The following RFX3 variants were observed in gnomAD, a reference collection of about 807,000 sequenced individuals.
The protein encoded by RFX3 is transcription factor RFX3.
RFX3 carries 14 observed loss-of-function variants against 98.6 expected under a neutral mutation model. The observed-to-expected ratio is 0.14, with a 90% confidence interval of 0.09 to 0.22. The LOEUF (loss-of-function observed/expected upper bound fraction) is 0.22. Ranked by LOEUF, RFX3 falls within the 10% of genes least tolerant of loss-of-function variation. The pLI, the probability that RFX3 is intolerant of heterozygous loss-of-function variation, is 1.00. For missense variants in RFX3, 639 were observed against 926.9 expected (o/e 0.69, Z 4.03); for synonymous variants, 383 against 328.4 (o/e 1.17, Z -1.80).
intron 1 of RFX3, among the ~76,000 whole-genome samples, chr9:3,400,654 C>T (rs1841387896): frequency 6.6e-6 from 1 of 152,174 alleles, no homozygotes; most frequent in South Asian, 2.1e-4. Flanking sequence ...GCTCTCTTTG[C>T]CAAGCTTTAT....
intron 1 of RFX3, among the ~76,000 whole-genome samples, chr9:3,459,320 T>C (rs1458906408): frequency 6.6e-6 from 1 of 152,138 alleles, no homozygotes; most frequent in Non-Finnish European, 1.5e-5. Context: ...TATCTCAGAA[T>C]CAAAGGAATT....
chr9:3,234,711 A>AACAGATGATGAGCTGGATAGGGCC (rs1304467911), intron 15 of RFX3, among the ~76,000 whole-genome samples: 6 of 152,174 alleles, frequency 3.9e-5, no homozygotes, highest in Non-Finnish European at 8.8e-5. Context: ...CATTTACAAA[A>AACAGATGATGAGCTGGATAGGGCC]ACAGATGATG....
At chr9:3,500,739 T>A (rs1223661371) in intron 1 of RFX3, among the ~76,000 whole-genome samples, 1 of 152,110 alleles carries the variant, frequency 6.6e-6, no homozygotes, top group Non-Finnish European at 1.5e-5. Context: ...CACACACTAG[T>A]CAATAAAGTT....
chr9:3,505,229 TGA>T lies in RFX3; in HGVS notation c.-9+20516_-9+20517del, dbSNP rs1176752283. The stretch of plus-strand genomic sequence containing the variant: ...ATATATATGAATATATATTTATATA[TGA>T]ATATATATTTATATATATATGAATA... On this transcript the variant is annotated intron_variant, in intron 1 of 16. Transcript: ENST00000617270. 4.4e-3 allele frequency among the ~76,000 whole-genome samples: 312 copies of T among 71,702 alleles called. 50 individuals are homozygous for T. The East Asian group carries it at 0.07, about 16-fold the overall frequency. 47.0% of individuals were successfully genotyped at this position (71,702 alleles called of 152,430 possible).
chr9:3,308,356 G>A (rs1398161460), intron 4 of RFX3, among the ~76,000 whole-genome samples: 1 of 152,172 alleles, frequency 6.6e-6, no homozygotes, highest in African/African-American at 2.4e-5. Flanking sequence ...GCTACTGGAA[G>A]CCAGAAATAT....
intron 1 of RFX3, among the ~76,000 whole-genome samples, chr9:3,414,587 G>C (rs181614231): frequency 2.5e-4 from 37 of 145,538 alleles, no homozygotes; most frequent in African/African-American, 9.4e-4. Flanking sequence ...CTGCAATGTG[G>C]TATATATATA....
chr9:3,275,404 T>G, intron 9 of RFX3, 96 bp downstream of exon 9: 1 of 672,334 alleles, frequency 1.5e-6, no homozygotes, highest in Non-Finnish European at 2.7e-6. Context: ...TAGTGCTAAG[T>G]TCACCTGTCC....
At chr9:3,500,256 G>A (rs895298600) in intron 1 of RFX3, among the ~76,000 whole-genome samples, 11 of 152,082 alleles carry the variant, frequency 7.2e-5, no homozygotes, top group South Asian at 2.1e-4. Flanking sequence ...CTGAAACAGC[G>A]CATAGCAAAG....
intron 11 of RFX3, among the ~76,000 whole-genome samples, chr9:3,268,025 A>G (rs2131298286): frequency 6.6e-6 from 1 of 151,978 alleles, no homozygotes; most frequent in East Asian, 1.9e-4. Context: ...GAAAAGATAT[A>G]TTTTGCATTT....
intron 2 of RFX3, among the ~76,000 whole-genome samples, chr9:3,374,928 T>C (rs748402270): frequency 4.7e-4 from 72 of 151,768 alleles, no homozygotes; most frequent in Middle Eastern, 6.8e-3. Flanking sequence ...AGTCTTCAAA[T>C]TAGCATTAAC....
chr9:3,513,752 C>A (rs1190816076), intron 1 of RFX3, among the ~76,000 whole-genome samples: 1 of 152,016 alleles, frequency 6.6e-6, no homozygotes, highest in Admixed American at 6.6e-5. Context: ...TTCTATCAAC[C>A]CCCAAAAATG....
intron 16 of RFX3, among the ~76,000 whole-genome samples, chr9:3,226,333 C>T (rs908226434): frequency 6.6e-6 from 1 of 152,180 alleles, no homozygotes; most frequent in Non-Finnish European, 1.5e-5. Context: ...TCTGCTAATG[C>T]AGCTGTCTCT....
chr9:3,252,813 T>C (rs1821601328), intron 14 of RFX3, among the ~76,000 whole-genome samples: 1 of 152,206 alleles, frequency 6.6e-6, no homozygotes, highest in Non-Finnish European at 1.5e-5. Context: ...AAAAAATTTA[T>C]TGATCCTCAA....
chr9:3,298,088 A>C (rs1377810205), intron 5 of RFX3, among the ~76,000 whole-genome samples: 3 of 151,820 alleles, frequency 2.0e-5, no homozygotes, highest in Non-Finnish European at 4.4e-5. Flanking sequence ...AAAAAATTAG[A>C]AACAAAAATA....
chr9:3,430,592 A>G (rs1844568796), intron 1 of RFX3, among the ~76,000 whole-genome samples: 1 of 152,158 alleles, frequency 6.6e-6, no homozygotes, highest in African/African-American at 2.4e-5. Flanking sequence ...TTAATTTCCT[A>G]GGTCTGCCCT....
At chr9:3,445,215 C>T (rs1158539071) in intron 1 of RFX3, among the ~76,000 whole-genome samples, 2 of 148,434 alleles carry the variant, frequency 1.3e-5, no homozygotes, top group African/African-American at 4.9e-5. Context: ...GTGTATTTGT[C>T]TGTTTGTATT....
At chr9:3,325,006 T>C (rs35639292) in intron 4 of RFX3, among the ~76,000 whole-genome samples, 1 of 151,826 alleles carries the variant, frequency 6.6e-6, no homozygotes, top group Admixed American at 6.6e-5. Flanking sequence ...AAGAGAGAAC[T>C]TGGTAATACT....
intron 2 of RFX3, among the ~76,000 whole-genome samples, chr9:3,386,482 C>A (rs1839727524): frequency 6.6e-6 from 1 of 151,868 alleles, no homozygotes; most frequent in Non-Finnish European, 1.5e-5. Context: ...CAGAAAAAGC[C>A]AATAAGTTGC....
chr9:3,291,713 T>C (rs1025801402), intron 6 of RFX3, among the ~76,000 whole-genome samples: 3 of 152,158 alleles, frequency 2.0e-5, no homozygotes, highest in Admixed American at 1.3e-4. Context: ...AAAAGATCAA[T>C]CTTTTCTTCC....
Sources: gnomAD v4.1 joint callset for allele counts (sites outside exome capture counted in the v4.1 genomes callset) on GRCh38, gnomAD v4.1.1 for gene constraint, MANE v1.5 for transcripts, NCBI Gene and HGNC (gene_info 2026-07-23, HGNC 2026-07-21) for gene names.